Variants in UMAD1 observed in about 807,000 individuals in gnomAD.
The protein encoded by UMAD1 is UBAP1-MVB12-associated (UMA)-domain containing protein 1.
In UMAD1, 8 loss-of-function variants were observed where a neutral mutation model predicts 6.1. The observed-to-expected ratio is 1.30, with a 90% CI of 0.76 to 2.35. The LOEUF (loss-of-function observed/expected upper bound fraction) is 2.35. Ranked by LOEUF, UMAD1 falls within the 30% of genes most tolerant of loss-of-function variation. The pLI is 0.00. For synonymous variants in UMAD1, 56 were observed against 31.4 expected (o/e 1.78, Z -2.61); for missense variants, 130 against 78.4 (o/e 1.66, Z -2.49).
At chr7:7,800,294 A>C (rs1782772584) in intron 2 of UMAD1, among the ~76,000 whole-genome samples, 1 of 152,276 alleles carries the variant, frequency 6.6e-6, no homozygotes, top group Non-Finnish European at 1.5e-5. Context: ...AATGTTGCAC[A>C]AAACAGAGAA....
chr7:7,786,449 A>G lies in UMAD1; in HGVS notation c.83-15221A>G, dbSNP rs77759845. ...AGGTGGTGCACAGCTCCTGTTCGTT[A>G]CATTACTGAAAATGTCAACCATCAT... On this transcript the variant is annotated intron_variant, in intron 2 of 3. Coordinates refer to ENST00000682710, the MANE Select transcript of UMAD1 (RefSeq NM_001302348.2). Among the ~76,000 whole-genome samples, 80 of 152,304 alleles carry G rather than the reference A, an allele frequency of 5.3e-4. 2 individuals carry two copies. The East Asian group carries it at 0.014, about 26-fold the overall frequency.
intron 2 of UMAD1, among the ~76,000 whole-genome samples, chr7:7,755,463 A>G (rs1781759832): frequency 6.6e-6 from 1 of 152,230 alleles, no homozygotes; most frequent in Admixed American, 6.5e-5. Flanking sequence ...CTTTCTTGCT[A>G]GATTGAATTT....
chr7:7,661,314 C>A (rs550306801), intron 1 of UMAD1, among the ~76,000 whole-genome samples: 1 of 152,306 alleles, frequency 6.6e-6, no homozygotes, highest in Admixed American at 6.5e-5. Flanking sequence ...AAGCCTCCTT[C>A]TTTCAATTTG....
chr7:7,716,113 A>G (rs1453294814), intron 2 of UMAD1, among the ~76,000 whole-genome samples: 3 of 152,202 alleles, frequency 2.0e-5, no homozygotes, highest in African/African-American at 7.2e-5. Context: ...AAGCTGTGGC[A>G]GAAAAGGATG....
intron 3 of UMAD1, among the ~76,000 whole-genome samples, chr7:7,826,535 T>C (rs1314451633): frequency 2.0e-5 from 3 of 152,188 alleles, no homozygotes; most frequent in Non-Finnish European, 4.4e-5. Context: ...TTCGCCTCAA[T>C]TGGTGAATAG....
intron 3 of UMAD1, among the ~76,000 whole-genome samples, chr7:7,808,014 C>G (rs1385327119): frequency 6.6e-6 from 1 of 151,982 alleles, no homozygotes; most frequent in East Asian, 1.9e-4. Context: ...TTGTGCATTA[C>G]TCTGTGTTTT....
intron 2 of UMAD1, among the ~76,000 whole-genome samples, chr7:7,673,841 A>G (rs1779674930): frequency 6.6e-6 from 1 of 152,138 alleles, no homozygotes; most frequent in South Asian, 2.1e-4. Flanking sequence ...TCCAATAAAT[A>G]TTTGCTGAAT....
Position 7,877,348 on chromosome 7 carries a change from C to G in UMAD1, c.224C>G (p.Thr75Ser), listed in dbSNP as rs534072225. 11 of 717,534 alleles carry G rather than the reference C, an allele frequency of 1.5e-5. No homozygotes were observed. The African/African-American group carries it at 1.7e-4, about 11-fold the overall frequency. 44.4% of individuals were successfully genotyped at this position (717,534 alleles called of 1,614,324 possible). Residue 75 changes from threonine (T) to serine (S), a missense_variant, in exon 4 of 4, where the codon ACT (threonine) becomes AGT (serine). Coordinates refer to ENST00000682710, the MANE Select transcript of UMAD1 (RefSeq NM_001302348.2). Reference sequence around the variant, plus strand: ...GAGATGGAAAATAAGGCAGGCCAGACTCTGGAGAACAGCTCATTAATGGCC... The same window carrying G: ...GAGATGGAAAATAAGGCAGGCCAGAGTCTGGAGAACAGCTCATTAATGGCC... Reference protein sequence around the residue: ...DPEMENKAGQTLENSSLMAEL... With the variant: ...DPEMENKAGQSLENSSLMAEL...
At chr7:7,733,116 A>G (rs1252007248) in intron 2 of UMAD1, among the ~76,000 whole-genome samples, 2 of 152,128 alleles carry the variant, frequency 1.3e-5, no homozygotes, top group African/African-American at 2.4e-5. Context: ...GAGTGTTGTA[A>G]TCTCGTATTG....
Position 7,786,662 on chromosome 7 carries a change from AT to A in UMAD1, c.83-15006del, listed in dbSNP as rs1421701374. 2.0e-5 allele frequency among the ~76,000 whole-genome samples: 3 copies of A among 152,036 alleles called. No homozygotes were observed. In the East Asian group the frequency reaches 5.8e-4, roughly 29 times the overall value. On this transcript the variant is annotated intron_variant, in intron 2 of 3. Coordinates refer to ENST00000682710, the MANE Select transcript of UMAD1 (RefSeq NM_001302348.2). ...ATTTGGATTATTGCCCACTGAATTT[AT>A]TATCAGTTTAGTGCAGAAGAGAAAT...
intron 2 of UMAD1, among the ~76,000 whole-genome samples, chr7:7,758,375 CT>C (rs1388873467): frequency 1.3e-5 from 2 of 152,038 alleles, no homozygotes; most frequent in Non-Finnish European, 2.9e-5. Flanking sequence ...TAGCGAAGAT[CT>C]TAAGAAAGTG....
intron 2 of UMAD1, among the ~76,000 whole-genome samples, chr7:7,684,927 A>G (rs563596153): frequency 6.6e-6 from 1 of 152,312 alleles, no homozygotes; most frequent in East Asian, 1.9e-4. Flanking sequence ...AAACATTGTA[A>G]GTATGCATAC....
At chr7:7,762,214 T>C (rs144791611) in intron 2 of UMAD1, among the ~76,000 whole-genome samples, 241 of 152,280 alleles carry the variant, frequency 1.6e-3, no homozygotes, top group African/African-American at 5.2e-3. Context: ...ATTATTTACA[T>C]TGGCTGTGTC....
chr7:7,827,133 A>ATGTGTGTGTGTGTGTG (rs1354412548), intron 3 of UMAD1, among the ~76,000 whole-genome samples: 1 of 89,182 alleles, frequency 1.1e-5, no homozygotes, highest in African/African-American at 3.6e-5. Flanking sequence ...ATATATATAT[A>ATGTGTGTGTGTGTGTG]TATATATATA....
At chr7:7,653,411 G>C (rs965657565) in intron 1 of UMAD1, among the ~76,000 whole-genome samples, 1 of 152,118 alleles carries the variant, frequency 6.6e-6, no homozygotes, top group African/African-American at 2.4e-5. Context: ...TCTCAAAAAG[G>C]CAGTAATCTT....
At chr7:7,779,112 A>G (rs114920206) in intron 2 of UMAD1, among the ~76,000 whole-genome samples, 2,345 of 152,246 alleles carry the variant, frequency 0.015, 60 homozygotes, top group African/African-American at 0.053. Context: ...ATATTTCTGT[A>G]CTTCACCTAG....
intron 2 of UMAD1, among the ~76,000 whole-genome samples, chr7:7,738,036 A>G (rs960388249): frequency 2.0e-5 from 3 of 152,228 alleles, no homozygotes; most frequent in African/African-American, 7.2e-5. Flanking sequence ...TCAATTGAGA[A>G]AATGGATTCT....
intron 2 of UMAD1, among the ~76,000 whole-genome samples, chr7:7,768,241 T>C (rs796452936): frequency 9.2e-5 from 14 of 152,290 alleles, no homozygotes; most frequent in African/African-American, 3.4e-4. Flanking sequence ...TCTGTACCTC[T>C]GGAAAAAAAT....
intron 2 of UMAD1, among the ~76,000 whole-genome samples, chr7:7,674,925 A>G (rs1196575723): frequency 6.6e-6 from 1 of 152,070 alleles, no homozygotes; most frequent in African/African-American, 2.4e-5. Context: ...CCACTCTGTT[A>G]TATATTCCTG....
Sources: allele counts gnomAD v4.1 joint callset (sites outside exome capture counted in the v4.1 genomes callset), GRCh38; gene constraint gnomAD v4.1.1; transcripts MANE v1.5; gene names NCBI Gene and HGNC (gene_info 2026-07-23, HGNC 2026-07-21).